The following WSCD2 variants were observed in gnomAD, a reference collection of about 807,000 sequenced individuals.
WSCD2 encodes the protein sialate:O-sulfotransferase 2.
A neutral mutation model predicts 55.7 loss-of-function variants in WSCD2; 28 were observed. The ratio of observed to expected loss-of-function variants is 0.50; its 90% CI spans 0.37 to 0.69. The LOEUF (loss-of-function observed/expected upper bound fraction) is 0.69, where lower values mean the gene tolerates loss of function less well. Ranked by LOEUF, WSCD2 falls within the 30% of genes least tolerant of loss-of-function variation. The pLI is 0.00. For missense variants in WSCD2, 616 were observed against 762.1 expected (o/e 0.81, Z 2.26); for synonymous variants, 301 against 301.9 (o/e 1.00, Z 0.03).
At chr12:108,200,489 TTTCA>T (rs56726087) in intron 2 of WSCD2, among the ~76,000 whole-genome samples, 12 of 151,922 alleles carry the variant, frequency 7.9e-5, no homozygotes, top group African/African-American at 2.7e-4. Context: ...TCATTTATTC[TTTCA>T]TTCATTCATT....
chr12:108,220,748 G>C (rs1429254437), intron 4 of WSCD2, among the ~76,000 whole-genome samples: 1 of 152,112 alleles, frequency 6.6e-6, no homozygotes, highest in African/African-American at 2.4e-5. Context: ...GTGTTGCTCA[G>C]TCTGGTCTCA....
At chr12:108,177,147 A>G (rs1880984418) in intron 1 of WSCD2, among the ~76,000 whole-genome samples, 1 of 152,086 alleles carries the variant, frequency 6.6e-6, no homozygotes. Context: ...CCTCTGTTAA[A>G]TGGGGCTTGT....
intron 4 of WSCD2, among the ~76,000 whole-genome samples, chr12:108,216,899 T>A (rs4964661): frequency 6.6e-6 from 1 of 152,100 alleles, no homozygotes; most frequent in Non-Finnish European, 1.5e-5. Flanking sequence ...ATGGTCACTA[T>A]CAGCCAATAA....
At position 108,195,815 on chromosome 12, in the gene WSCD2, G is replaced by C; in HGVS notation, c.-18G>C. On this transcript the variant is annotated 5_prime_UTR_variant, in exon 2 of 9. Coordinates refer to ENST00000547525, the MANE Select transcript of WSCD2 (RefSeq NM_014653.4). ...ACCCCAGCCAAGCCCCAGAGAGCCA[G>C]TCCGGAATGATCCCACTATGGCCAA... is the stretch of plus-strand genomic sequence containing the variant. The C allele has an allele frequency of 6.3e-7, 1 of 1,591,036 alleles. No individual in the cohort carries two copies. Among genetic ancestry groups the C allele is most frequent in the Non-Finnish European group, 8.6e-7 (1 of 1,167,430 alleles).
intron 2 of WSCD2, among the ~76,000 whole-genome samples, chr12:108,199,502 C>G (rs1884385835): frequency 6.6e-6 from 1 of 152,208 alleles, no homozygotes; most frequent in African/African-American, 2.4e-5. Flanking sequence ...GGTTCAAATC[C>G]CAGTTCTGCA....
intron 1 of WSCD2, among the ~76,000 whole-genome samples, chr12:108,143,644 G>A (rs903531009): frequency 6.6e-6 from 1 of 152,180 alleles, no homozygotes; most frequent in Non-Finnish European, 1.5e-5. Flanking sequence ...TTACAATTGT[G>A]ATTATTCTCA....
intron 1 of WSCD2, among the ~76,000 whole-genome samples, chr12:108,153,283 T>C (rs1878200831): frequency 1.3e-5 from 2 of 152,202 alleles, no homozygotes; most frequent in African/African-American, 4.8e-5. Context: ...ATGTTAGTGA[T>C]GAATTCAAGT....
At chr12:108,247,546 G>T (rs1281384613) in intron 8 of WSCD2, among the ~76,000 whole-genome samples, 2 of 152,052 alleles carry the variant, frequency 1.3e-5, no homozygotes, top group African/African-American at 4.8e-5. Context: ...AGTGAATTGA[G>T]CTAAGTTGTT....
At chr12:108,168,517 C>T (rs1879900415) in intron 1 of WSCD2, among the ~76,000 whole-genome samples, 1 of 132,004 alleles carries the variant, frequency 7.6e-6, no homozygotes, top group South Asian at 3.1e-4. Context: ...CTTCTGAGTT[C>T]AAATCCTAGT....
At chr12:108,138,561 A>T (rs1477456485) in intron 1 of WSCD2, among the ~76,000 whole-genome samples, 1 of 152,208 alleles carries the variant, frequency 6.6e-6, no homozygotes, top group Non-Finnish European at 1.5e-5. Context: ...GCTTATGTAG[A>T]GTAAGTACTC....
chr12:108,139,047 T>A (rs1447548051), intron 1 of WSCD2, among the ~76,000 whole-genome samples: 3 of 152,200 alleles, frequency 2.0e-5, no homozygotes, highest in Non-Finnish European at 4.4e-5. Flanking sequence ...GTTGAGAGAA[T>A]GAATGAATGA....
intron 1 of WSCD2, among the ~76,000 whole-genome samples, chr12:108,142,562 A>G (rs768474354): frequency 1.3e-5 from 2 of 152,210 alleles, no homozygotes; most frequent in Admixed American, 6.5e-5. Flanking sequence ...CCTCATATAC[A>G]TGAGTAAAAT....
chr12:108,130,662 C>A (rs1875410472), intron 1 of WSCD2, among the ~76,000 whole-genome samples: 1 of 152,100 alleles, frequency 6.6e-6, no homozygotes. Context: ...GAGGTCACTT[C>A]CTAATTCTTA....
rs370026329 is a variant in WSCD2, at chr12:108,181,260, G to A, written c.-551-14022G>A. ...AGACCTTCCTCCCTCCCACCCCGGC[G>A]GATTTATTCCTGGGGGTGTGTGGGC... On this transcript the variant is annotated intron_variant, in intron 1 of 8. Transcript: ENST00000547525. 2.3e-4 allele frequency among the ~76,000 whole-genome samples: 35 copies of A among 152,260 alleles called. No individual in the cohort carries two copies. In the East Asian group the frequency reaches 2.7e-3, roughly 12 times the overall value.
chr12:108,246,568 G>C (rs1395579966), intron 8 of WSCD2, among the ~76,000 whole-genome samples: 5 of 152,180 alleles, frequency 3.3e-5, no homozygotes, highest in African/African-American at 4.8e-5. Flanking sequence ...AGTTTCAGCA[G>C]CTCCAGGAAC....
At chr12:108,174,562 T>C (rs1337361434) in intron 1 of WSCD2, among the ~76,000 whole-genome samples, 2 of 152,222 alleles carry the variant, frequency 1.3e-5, no homozygotes, top group African/African-American at 4.8e-5. Flanking sequence ...GGGTCATGCC[T>C]ATTGCCAGGG....
At chr12:108,246,665 T>A (rs1440955857) in intron 8 of WSCD2, among the ~76,000 whole-genome samples, 1 of 152,188 alleles carries the variant, frequency 6.6e-6, no homozygotes, top group Non-Finnish European at 1.5e-5. Context: ...CAAGTTTGCA[T>A]GACAATCCAT....
chr12:108,159,501 C>T (rs183594812), intron 1 of WSCD2, among the ~76,000 whole-genome samples: 1 of 152,296 alleles, frequency 6.6e-6, no homozygotes, highest in East Asian at 1.9e-4. Context: ...ATTTGTGATC[C>T]CCGTGGAGGG....
chr12:108,131,840 C>T (rs1875552762), intron 1 of WSCD2: 1 of 152,310 alleles, frequency 6.6e-6, no homozygotes, highest in South Asian at 2.1e-4. Flanking sequence ...TGCTGTATCA[C>T]CAGGACATCA....
Sources: gnomAD v4.1 joint callset for allele counts (sites outside exome capture counted in the v4.1 genomes callset) on GRCh38, gnomAD v4.1.1 for gene constraint, MANE v1.5 for transcripts, NCBI Gene and HGNC (gene_info 2026-07-23, HGNC 2026-07-21) for gene names.